The following CNN2 variants were observed in gnomAD, a reference collection of about 807,000 sequenced individuals.
CNN2 encodes calponin-2.
In CNN2, 21 loss-of-function variants were observed where a neutral mutation model predicts 31.0. The observed-to-expected ratio is 0.68, with a 90% CI of 0.48 to 0.98. CNN2 has a LOEUF of 0.98. Among genes scored for constraint, CNN2 ranks in the 50% least tolerant of loss-of-function variants. CNN2 has a pLI of 0.00. For synonymous variants in CNN2, 165 were observed against 179.6 expected, an observed-to-expected ratio of 0.92 and a Z score of 0.65; for missense variants, 399 against 427.3, an observed-to-expected ratio of 0.93 and a Z score of 0.58.
At chr19:1,035,894 C>A (rs1349928485) in intron 4 of CNN2, among the ~76,000 whole-genome samples, 1 of 152,144 alleles carries the variant, frequency 6.6e-6, no homozygotes, top group South Asian at 2.1e-4. Context: ...TGCACTCCAG[C>A]CTGGGTGACA....
chr19:1,031,067 C>G lies in CNN2; in HGVS notation c.64-4C>G, dbSNP rs2039481860. On this transcript the variant is annotated splice_region_variant and splice_polypyrimidine_tract_variant and intron_variant, in intron 1 of 6. Coordinates refer to ENST00000263097, the MANE Select transcript of CNN2 (RefSeq NM_004368.4). ...GCTCAGTCTCGTGCCCTTTGCTCCA[C>G]CAGCTCCTGTCCAAATATGACCCCC... 6.2e-7 allele frequency: 1 copy of G among 1,611,194 alleles called. No homozygotes were observed. The highest frequency in any genetic ancestry group is 1.7e-5 in the Admixed American group (1 of 59,958).
chr19:1,032,628 G>T lies in CNN2; in HGVS notation c.322G>T (p.Ala108Ser). The T allele has an allele frequency of 6.2e-7, 1 of 1,612,766 alleles. No individual in the cohort carries two copies. The highest frequency in any genetic ancestry group is 8.5e-7 in the Non-Finnish European group (1 of 1,180,010). Residue 108 changes from alanine to serine, a missense_variant, in exon 4 of 7, where the codon GCC becomes TCC. By Grantham distance (99) the Ala-to-Ser change is moderately conservative (BLOSUM62 1). Coordinates refer to ENST00000263097, the MANE Select transcript of CNN2 (RefSeq NM_004368.4). Reference sequence around the variant, plus strand: ...CATGAACCCTGTGGACCTGTTCGAGGCCAACGACCTGTTTGAGAGTGGGAA... The same window carrying T: ...CATGAACCCTGTGGACCTGTTCGAGTCCAACGACCTGTTTGAGAGTGGGAA... ...YGMNPVDLFE[A>S]NDLFESGNMT...
At position 1,031,052 on chromosome 19, in the gene CNN2, G is replaced by C. The variant is rs201423801; in HGVS notation, c.64-19G>C. 3.1e-6 allele frequency: 5 copies of C among 1,608,142 alleles called. No individual in the cohort carries two copies. The highest frequency in any genetic ancestry group is 4.2e-6 in the Non-Finnish European group (5 of 1,176,856). On this transcript the variant is annotated intron_variant, in intron 1 of 6. Coordinates refer to ENST00000263097, the MANE Select transcript of CNN2 (RefSeq NM_004368.4). ...GGTGCCCCCAGCCCAGCTCAGTCTC[G>C]TGCCCTTTGCTCCACCAGCTCCTGT...
rs566547791 is a variant in CNN2 at position 1,027,741 on chromosome 19, C to T, written c.63+1017C>T. On this transcript the variant is annotated intron_variant, in intron 1 of 6. Transcript: ENST00000263097. ...GGTGTCGTCCCCGCCCACCCCCTCCCCCGACGCCCACTGGGCACCTGGGAA... is the reference window on the plus strand; with the variant it reads ...GGTGTCGTCCCCGCCCACCCCCTCCTCCGACGCCCACTGGGCACCTGGGAA... 9.2e-5 allele frequency among the ~76,000 whole-genome samples: 14 copies of T among 152,208 alleles called. No individual in the cohort carries two copies. In the East Asian group the frequency reaches 2.7e-3, roughly 29 times the overall value.
rs192209207 is a variant in CNN2 at position 1,037,607 on chromosome 19, C to G, written c.655-18C>G. ...CTTCTCTCCACCATGACCTGCTCCA[C>G]CCCTCCTTCCTCTCCAGGTGGGCAT... On this transcript the variant is annotated intron_variant, in intron 6 of 6. Coordinates refer to ENST00000263097, the MANE Select transcript of CNN2 (RefSeq NM_004368.4). The G allele has an allele frequency of 8.0e-5, 126 of 1,576,146 alleles. No individual in the cohort carries two copies. In the African/African-American group the frequency reaches 1.7e-3, roughly 21 times the overall value.
In CNN2 at chr19:1,032,625, G is replaced by C; in HGVS notation, c.319G>C (p.Glu107Gln). The C allele has an allele frequency of 2.5e-6, 4 of 1,612,758 alleles. No homozygotes were observed. The highest frequency in any genetic ancestry group is 2.5e-6 in the Non-Finnish European group (3 of 1,180,024). ...CGGCATGAACCCTGTGGACCTGTTC[G>C]AGGCCAACGACCTGTTTGAGAGTGG... ...SYGMNPVDLF[E>Q]ANDLFESGNM... The change falls in exon 4 of 7, where the codon GAG (glutamate) becomes CAG (glutamine). Residue 107 changes from glutamate to glutamine, a missense_variant. Coordinates refer to ENST00000263097, the MANE Select transcript of CNN2 (RefSeq NM_004368.4).
intron 6 of CNN2, chr19:1,037,304 A>C (rs2039606585): frequency 3.9e-6 from 1 of 257,184 alleles, no homozygotes; most frequent in Admixed American, 4.9e-5. Flanking sequence ...CGCCCGGCTA[A>C]TTTTTGTATT....
rs72618590 is a variant in CNN2, at chr19:1,037,942, G to T, written c.*42G>T. 76,751 of 1,502,958 alleles carry T rather than the reference G, an allele frequency of 0.051. 4,557 individuals carry two copies. Among genetic ancestry groups the T allele is most frequent in the East Asian group, 0.36 (15,471 of 43,374 alleles). The allele number at this position is 1,502,958 out of a possible 1,614,324, so 93.1% of individuals were successfully genotyped here. Reference sequence around the variant, plus strand: ...TCTCCCCACATCGTCTGCCCATCTGGGTTTTTGGGTTTTTCTGTGTTTTCA... The same window carrying T: ...TCTCCCCACATCGTCTGCCCATCTGTGTTTTTGGGTTTTTCTGTGTTTTCA... On this transcript the variant is annotated 3_prime_UTR_variant, in exon 7 of 7. Coordinates refer to ENST00000263097, the MANE Select transcript of CNN2 (RefSeq NM_004368.4).
At chr19:1,031,338 T>TGG (rs148657602) in intron 2 of CNN2, 146 bp downstream of exon 2, 67 of 34,396 alleles carry the variant, frequency 1.9e-3, no homozygotes, top group African/African-American at 5.6e-3. Flanking sequence ...CCGAGGGTGG[T>TGG]GGCGGGGGGC....
At chr19:1,030,365 A>G (rs7258116) in intron 1 of CNN2, among the ~76,000 whole-genome samples, 36,397 of 151,970 alleles carry the variant, frequency 0.24, 5,991 homozygotes, top group African/African-American at 0.47. Flanking sequence ...GGTGGCTCAC[A>G]CCTGTAATCC....
At chr19:1,032,936 G>A (rs1263295654) in intron 4 of CNN2, 1 of 425,490 alleles carries the variant, frequency 2.4e-6, no homozygotes, top group South Asian at 2.3e-5. Flanking sequence ...CTGCCACCAC[G>A]CCTGGCTAAT....
intron 4 of CNN2, among the ~76,000 whole-genome samples, chr19:1,033,737 G>A (rs2039540515): frequency 9.8e-6 from 1 of 102,326 alleles, no homozygotes; most frequent in African/African-American, 3.9e-5. Flanking sequence ...GGTGTCTGGT[G>A]TAGACGGGGA....
chr19:1,038,235 CT>C lies in CNN2; in HGVS notation c.*337del, dbSNP rs2039637479. 3.5e-6 allele frequency: 1 copy of C among 282,754 alleles called. No individual in the cohort carries two copies. The highest frequency in any genetic ancestry group is 6.6e-6 in the Non-Finnish European group (1 of 151,354). The allele number at this position is 282,754 out of a possible 1,614,324, so 17.5% of individuals were successfully genotyped here. Reference sequence around the variant, plus strand: ...CCGACGGTTTCTGCTTGCCTCGCCTCTTCCCCCTTTTGTCAGCTGAGCAGTT... The same window carrying C: ...CCGACGGTTTCTGCTTGCCTCGCCTCTCCCCCTTTTGTCAGCTGAGCAGTT... On this transcript the variant is annotated 3_prime_UTR_variant, in exon 7 of 7. Coordinates refer to ENST00000263097, the MANE Select transcript of CNN2 (RefSeq NM_004368.4).
chr19:1,035,650 C>A (rs1045895816), intron 4 of CNN2, among the ~76,000 whole-genome samples: 1 of 152,154 alleles, frequency 6.6e-6, no homozygotes, highest in Non-Finnish European at 1.5e-5. Flanking sequence ...GGGCTGGGCG[C>A]GGTGGCTCAC....
chr19:1,035,674 G>A (rs898126651), intron 4 of CNN2, among the ~76,000 whole-genome samples: 4 of 152,216 alleles, frequency 2.6e-5, no homozygotes, highest in African/African-American at 4.8e-5. Flanking sequence ...TGTAATCCCA[G>A]CACTTTTGGA....
intron 1 of CNN2, among the ~76,000 whole-genome samples, chr19:1,027,529 G>C (rs2039418524): frequency 6.6e-6 from 1 of 152,248 alleles, no homozygotes; most frequent in African/African-American, 2.4e-5. Flanking sequence ...AAACAAGCCA[G>C]GGCTAGGGGA....
In CNN2 at chr19:1,038,061, C is replaced by T. The variant is rs2039629378; in HGVS notation, c.*161C>T. 2.6e-6 allele frequency: 2 copies of T among 758,280 alleles called. No individual in the cohort carries two copies. Among genetic ancestry groups the T allele is most frequent in the Middle Eastern group, 3.9e-4 (1 of 2,576 alleles). 47.0% of individuals were successfully genotyped at this position (758,280 alleles called of 1,614,324 possible). A position where few individuals can be genotyped will look rare whatever the true frequency, so the allele number is the denominator to read the frequency against. On this transcript the variant is annotated 3_prime_UTR_variant, in exon 7 of 7. Transcript: ENST00000263097. ...GGATCAGGCAGCAGAGCTTTTTTCC[C>T]CTTTGCCTTGATCCTTCGCAAGGCT...
intron 1 of CNN2, among the ~76,000 whole-genome samples, chr19:1,029,610 A>G (rs1339190096): frequency 6.6e-6 from 1 of 152,242 alleles, no homozygotes; most frequent in Admixed American, 6.5e-5. Flanking sequence ...GAGATGAGGA[A>G]GCGGAGGCTG....
intron 6 of CNN2, 80 bp downstream of exon 6, chr19:1,036,642 T>C: frequency 6.5e-7 from 1 of 1,540,324 alleles, no homozygotes. Flanking sequence ...TGGGGCCACC[T>C]CCAGCTTCTC....
Sources: allele counts gnomAD v4.1 joint callset (sites outside exome capture counted in the v4.1 genomes callset), GRCh38; gene constraint gnomAD v4.1.1; transcripts MANE v1.5; gene names NCBI Gene and HGNC (gene_info 2026-07-23, HGNC 2026-07-21).